The following ZNF438 variants were observed in gnomAD, a reference collection of about 807,000 sequenced individuals.
ZNF438 encodes the protein zinc finger protein 438.
A neutral mutation model predicts 38.0 loss-of-function variants in ZNF438; 25 were observed. The ratio of observed to expected loss-of-function variants is 0.66; its 90% CI spans 0.48 to 0.92. ZNF438 has a LOEUF of 0.92. Among genes scored for constraint, ZNF438 ranks in the 40% least tolerant of loss-of-function variants. The pLI is 0.00. For synonymous variants in ZNF438, 372 were observed against 364.1 expected, an observed-to-expected ratio of 1.02 and a Z score of -0.25; for missense variants, 1,007 against 999.6, an observed-to-expected ratio of 1.01 and a Z score of -0.10.
chr10:30,979,680 T>A (rs2934645), intron 1 of ZNF438, among the ~76,000 whole-genome samples: 19,321 of 152,224 alleles, frequency 0.13, 1,617 homozygotes, highest in Middle Eastern at 0.24. Flanking sequence ...GTCCTGGATA[T>A]CCTTGTTAAT....
chr10:30,983,409 A>G (rs115252067), intron 1 of ZNF438, among the ~76,000 whole-genome samples: 1,556 of 152,332 alleles, frequency 0.01, 27 homozygotes, highest in African/African-American at 0.035. Context: ...TACATCTTAC[A>G]TGGCTGAAGA....
intron 2 of ZNF438, among the ~76,000 whole-genome samples, chr10:30,918,806 T>C (rs1264069567): frequency 6.6e-6 from 1 of 152,206 alleles, no homozygotes; most frequent in Non-Finnish European, 1.5e-5. Flanking sequence ...AAGTAGATTA[T>C]CTGATGGGGA....
At chr10:30,850,285 T>G (rs757511621) in exon 5 of ZNF438, 3 of 1,614,190 alleles carry the variant, frequency 1.9e-6, no homozygotes, top group Non-Finnish European at 2.5e-6. Context: ...TGGGCACAAT[T>G]TTTGGTGCAA....
At chr10:30,923,125 T>C (rs1457385174) in intron 2 of ZNF438, among the ~76,000 whole-genome samples, 1 of 152,222 alleles carries the variant, frequency 6.6e-6, no homozygotes, top group Non-Finnish European at 1.5e-5. Flanking sequence ...AGTAGAAACA[T>C]TATTAAATAA....
At chr10:30,873,910 C>T (rs1045411488) in intron 4 of ZNF438, among the ~76,000 whole-genome samples, 8 of 151,948 alleles carry the variant, frequency 5.3e-5, no homozygotes, top group South Asian at 2.1e-4. Flanking sequence ...GCATATAATA[C>T]GTGTGTATGT....
chr10:30,985,069 G>A (rs556991313), intron 1 of ZNF438, among the ~76,000 whole-genome samples: 44 of 152,092 alleles, frequency 2.9e-4, no homozygotes, highest in Admixed American at 7.9e-4. Flanking sequence ...TGTCAATTTC[G>A]CAACTTGCTT....
chr10:30,989,934 G>C (rs1408248115), intron 1 of ZNF438, among the ~76,000 whole-genome samples: 1 of 152,128 alleles, frequency 6.6e-6, no homozygotes, highest in Non-Finnish European at 1.5e-5. Flanking sequence ...TACAGAAAGG[G>C]CTGAGAGAAA....
chr10:30,979,568 T>C (rs776127487), intron 1 of ZNF438, among the ~76,000 whole-genome samples: 2 of 152,204 alleles, frequency 1.3e-5, no homozygotes, highest in African/African-American at 2.4e-5. Context: ...AACAGATACA[T>C]AGACCAATGG....
At chr10:30,983,630 T>C (rs570710358) in intron 1 of ZNF438, among the ~76,000 whole-genome samples, 1 of 152,282 alleles carries the variant, frequency 6.6e-6, no homozygotes, top group South Asian at 2.1e-4. Context: ...GTTAAAAAAA[T>C]AAAATTGCAT....
chr10:30,989,531 T>C (rs999763798), intron 1 of ZNF438, among the ~76,000 whole-genome samples: 5 of 152,234 alleles, frequency 3.3e-5, no homozygotes, highest in African/African-American at 1.2e-4. Flanking sequence ...CATCTCTTTG[T>C]ATCCCCTTTC....
At chr10:30,963,407 A>G (rs904385747) in intron 1 of ZNF438, among the ~76,000 whole-genome samples, 2 of 151,478 alleles carry the variant, frequency 1.3e-5, no homozygotes, top group African/African-American at 4.8e-5. Flanking sequence ...AAAAAAAAAA[A>G]AAAAAAGAAA....
At chr10:30,953,669 C>CAAAAA (rs141368082) in intron 1 of ZNF438, among the ~76,000 whole-genome samples, 1 of 144,018 alleles carries the variant, frequency 6.9e-6, no homozygotes. Context: ...CACACACACA[C>CAAAAA]AAAAAAAAAA....
Position 30,848,590 on chromosome 10 carries a change from T to TG in ZNF438, c.1814dup (p.Gly606ArgfsTer63). The TG allele has an allele frequency of 1.2e-6, 2 of 1,613,896 alleles. No individual in the cohort carries two copies. The highest frequency in any genetic ancestry group is 1.7e-6 in the Non-Finnish European group (2 of 1,179,710). ...TGTCTCTGTTCTTTGGTATGTCTCC[T>TG]GGCTGCAGTTCACTGGGCGCAGGCT... On this transcript the variant is annotated frameshift_variant, in exon 5 of 6. Transcript: ENST00000413025. LOFTEE classifies it high-confidence loss of function.
exon 5 of ZNF438, chr10:30,849,908 T>C (rs779974602): frequency 1.2e-6 from 2 of 1,613,898 alleles, no homozygotes; most frequent in Non-Finnish European, 1.7e-6. Flanking sequence ...GAGTTCAGGG[T>C]GGTGAGGTGG....
chr10:31,016,305 A>G (rs915162202), intron 1 of ZNF438, among the ~76,000 whole-genome samples: 1 of 152,242 alleles, frequency 6.6e-6, no homozygotes, highest in African/African-American at 2.4e-5. Context: ...ACAATCTGAA[A>G]AATAAATTTT....
chr10:31,007,335 G>A (rs2055246696), intron 1 of ZNF438, among the ~76,000 whole-genome samples: 2 of 137,312 alleles, frequency 1.5e-5, no homozygotes, highest in Admixed American at 1.6e-4. Flanking sequence ...TGGCTGAAGT[G>A]CAGTGGCGTG....
chr10:30,858,200 A>C (rs1190691343), intron 4 of ZNF438, among the ~76,000 whole-genome samples: 1 of 152,182 alleles, frequency 6.6e-6, no homozygotes, highest in Non-Finnish European at 1.5e-5. Context: ...AAGAGCCAAA[A>C]ATTTTAGGTG....
chr10:30,848,627 A>G, exon 5 of ZNF438: 1 of 1,614,202 alleles, frequency 6.2e-7, no homozygotes, highest in Non-Finnish European at 8.5e-7. Context: ...AGTGCTGATC[A>G]CAACCCTATG....
intron 5 of ZNF438, among the ~76,000 whole-genome samples, chr10:30,848,183 C>A (rs909095171): frequency 1.3e-5 from 2 of 152,152 alleles, no homozygotes; most frequent in African/African-American, 4.8e-5. Context: ...ACAGACCCAC[C>A]CACTCTGAGT....
Sources: allele counts gnomAD v4.1 joint callset (sites outside exome capture counted in the v4.1 genomes callset), GRCh38; gene constraint gnomAD v4.1.1; transcripts MANE v1.5; gene names NCBI Gene and HGNC (gene_info 2026-07-23, HGNC 2026-07-21).